C9: variants seen among roughly 807,000 people sequenced by gnomAD.
C9 encodes the protein complement component C9.
A neutral mutation model predicts 65.4 loss-of-function variants in C9; 63 were observed. That is an observed-to-expected ratio of 0.96 (90% CI 0.79 to 1.19). The LOEUF is 1.19. C9 is among the 50% of genes most tolerant of loss of function. C9 has a pLI of 0.00. For missense variants in C9, 744 were observed against 670.1 expected (o/e 1.11, Z -1.22); for synonymous variants, 229 against 227.9 (o/e 1.00, Z -0.04).
rs1449990686 is a variant in C9, at chr5:39,342,098, C to T, written c.176G>A (p.Arg59Lys). ...AGGGAGATGAACACTTACCATTTGTCTGAGACAAGGATCGCATTGTGACCA... is the reference window on the plus strand; with the variant it reads ...AGGGAGATGAACACTTACCATTTGTTTGAGACAAGGATCGCATTGTGACCA... ...SEWSQCDPCL[R>K]QMFRSRSIEV... The change falls in exon 2 of 11, where the codon AGA becomes AAA. Residue 59 changes from arginine to lysine, a missense_variant. Physicochemically the swap from Arg to Lys is conservative, Grantham distance 26. Transcript: ENST00000263408. The T allele has an allele frequency of 1.9e-6, 3 of 1,568,544 alleles. No homozygotes were observed. The East Asian group carries it at 6.7e-5, about 35-fold the overall frequency.
chr5:39,304,403 G>A (rs1753338173), intron 9 of C9, among the ~76,000 whole-genome samples: 1 of 152,100 alleles, frequency 6.6e-6, no homozygotes, highest in Non-Finnish European at 1.5e-5. Context: ...ACAACATAAT[G>A]CTTCAAATTC....
intron 8 of C9, among the ~76,000 whole-genome samples, chr5:39,307,921 T>G (rs536041885): frequency 6.6e-6 from 1 of 152,106 alleles, no homozygotes; most frequent in Non-Finnish European, 1.5e-5. Context: ...AAAATTAGGG[T>G]GAAGAAAGGA....
In C9 at chr5:39,334,580, C is replaced by A. The variant is rs10472315; in HGVS notation, c.477-2766G>T. On this transcript the variant is annotated intron_variant, in intron 4 of 10. Transcript: ENST00000263408. ...CGGGAGGGAGGTGGGGGGGTCAGCC[C>A]CCCGCCCGGCCAGCTGCCCCGTCTG... Among the ~76,000 whole-genome samples, 192 of 149,072 alleles carry A rather than the reference C, an allele frequency of 1.3e-3. 7 individuals are homozygous for A. The highest frequency in any genetic ancestry group is 4.8e-3 in the African/African-American group (189 of 39,006).
In C9 at chr5:39,361,555, C is replaced by T. The variant is rs1370861544; in HGVS notation, c.77+2833G>A. 3.9e-5 allele frequency among the ~76,000 whole-genome samples: 6 copies of T among 152,196 alleles called. No individual in the cohort carries two copies. In the East Asian group the frequency reaches 9.6e-4, roughly 24 times the overall value. ...CTCAGGTATTCCTCACAGCAGGACA[C>T]ATTATTATTCCCATTTAGCAGGTGA... is the stretch of plus-strand genomic sequence containing the variant. On this transcript the variant is annotated intron_variant, in intron 1 of 10. Transcript: ENST00000263408.
intron 9 of C9, among the ~76,000 whole-genome samples, chr5:39,299,253 GA>G (rs1282481192): frequency 1.3e-5 from 2 of 151,818 alleles, no homozygotes; most frequent in Non-Finnish European, 2.9e-5. Flanking sequence ...AACTACTTTG[GA>G]AAAAAATTTG....
chr5:39,348,325 A>G (rs1440984028), intron 1 of C9, among the ~76,000 whole-genome samples: 1 of 152,202 alleles, frequency 6.6e-6, no homozygotes, highest in African/African-American at 2.4e-5. Context: ...AATTTACAAG[A>G]AAAAAGCAAA....
In C9 at chr5:39,348,224, C is replaced by T. The variant is rs567784297; in HGVS notation, c.78-6028G>A. 5.2e-3 allele frequency among the ~76,000 whole-genome samples: 796 copies of T among 151,980 alleles called. 5 individuals are homozygous for T. The highest frequency in any genetic ancestry group is 0.017 in the African/African-American group (715 of 41,440). On this transcript the variant is annotated intron_variant, in intron 1 of 10. Transcript: ENST00000263408. Reference sequence around the variant, plus strand: ...ACAGCAAAAGAAACTACCATCAGAGCGAACAGGCAACCTACAGAATGGGAG... The same window carrying T: ...ACAGCAAAAGAAACTACCATCAGAGTGAACAGGCAACCTACAGAATGGGAG...
intron 1 of C9, among the ~76,000 whole-genome samples, chr5:39,348,232 C>A (rs1754246842): frequency 6.6e-6 from 1 of 152,042 alleles, no homozygotes; most frequent in African/African-American, 2.4e-5. Flanking sequence ...AGCGAACAGG[C>A]AACCTACAGA....
chr5:39,300,902 T>C (rs1355582286), intron 9 of C9, among the ~76,000 whole-genome samples: 1 of 152,136 alleles, frequency 6.6e-6, no homozygotes, highest in African/African-American at 2.4e-5. Flanking sequence ...TAGGACTCAG[T>C]GTAATATGAA....
chr5:39,350,030 A>G (rs943443864), intron 1 of C9, among the ~76,000 whole-genome samples: 6 of 152,178 alleles, frequency 3.9e-5, no homozygotes, highest in African/African-American at 1.4e-4. Flanking sequence ...AGACAAGGTA[A>G]CTTATAAAGA....
chr5:39,336,126 T>C (rs1219665471), intron 4 of C9, among the ~76,000 whole-genome samples: 1 of 152,198 alleles, frequency 6.6e-6, no homozygotes, highest in African/African-American at 2.4e-5. Flanking sequence ...TAAATATAAA[T>C]GCTGTAGTGA....
chr5:39,356,024 A>G (rs696766), intron 1 of C9, among the ~76,000 whole-genome samples: 137,482 of 152,120 alleles, frequency 0.9, 62,418 homozygotes, highest in Middle Eastern at 0.95. Context: ...AAATGGTGGT[A>G]GTAGTGGCAG....
At chr5:39,350,361 C>T (rs917508959) in intron 1 of C9, among the ~76,000 whole-genome samples, 3 of 152,136 alleles carry the variant, frequency 2.0e-5, no homozygotes, top group African/African-American at 7.2e-5. Flanking sequence ...TATCATTCCA[C>T]CCTGGCTTGT....
chr5:39,301,036 T>C (rs1021824325), intron 9 of C9, among the ~76,000 whole-genome samples: 3 of 152,052 alleles, frequency 2.0e-5, no homozygotes, highest in Non-Finnish European at 4.4e-5. Flanking sequence ...CATAGGAAAG[T>C]ATCAAGGCCT....
At chr5:39,302,982 T>C (rs1753309939) in intron 9 of C9, among the ~76,000 whole-genome samples, 1 of 152,152 alleles carries the variant, frequency 6.6e-6, no homozygotes, top group Non-Finnish European at 1.5e-5. Context: ...AATAAAACAG[T>C]AGATTACATA....
At chr5:39,340,268 A>C (rs1461445133) in intron 4 of C9, among the ~76,000 whole-genome samples, 1 of 152,234 alleles carries the variant, frequency 6.6e-6, no homozygotes, top group Non-Finnish European at 1.5e-5. Context: ...ATTATAGGTG[A>C]GGAAATAAAG....
chr5:39,316,291 C>A (rs956263882), intron 5 of C9, among the ~76,000 whole-genome samples: 1 of 152,132 alleles, frequency 6.6e-6, no homozygotes, highest in Non-Finnish European at 1.5e-5. Flanking sequence ...CACAAAGGTT[C>A]TTATAAAAAT....
intron 9 of C9, among the ~76,000 whole-genome samples, chr5:39,290,827 C>G (rs1310746231): frequency 6.6e-6 from 1 of 151,792 alleles, no homozygotes; most frequent in Non-Finnish European, 1.5e-5. Context: ...TCAGATCAAC[C>G]AAGGTAGACA....
chr5:39,315,005 T>G (rs1335265674), intron 6 of C9, among the ~76,000 whole-genome samples: 6 of 152,206 alleles, frequency 3.9e-5, no homozygotes. Context: ...CAATTAAATA[T>G]TTGTTGAATG....
Sources: allele counts gnomAD v4.1 joint callset (sites outside exome capture counted in the v4.1 genomes callset), GRCh38; gene constraint gnomAD v4.1.1; transcripts MANE v1.5; gene names NCBI Gene and HGNC (gene_info 2026-07-23, HGNC 2026-07-21).